Variants in SLC8A1 observed in about 807,000 individuals in gnomAD.
SLC8A1 encodes solute carrier family 8 member A1.
In SLC8A1, 18 loss-of-function variants were observed where a neutral mutation model predicts 68.3. The ratio of observed to expected loss-of-function variants is 0.26; its 90% CI spans 0.18 to 0.39. SLC8A1 has a LOEUF of 0.39. SLC8A1 is among the 10% of genes least tolerant of loss of function. The pLI is 1.00. For synonymous variants in SLC8A1, 475 were observed against 415.5 expected, an observed-to-expected ratio of 1.14 and a Z score of -1.74; for missense variants, 985 against 1,156.7, an observed-to-expected ratio of 0.85 and a Z score of 2.15.
At chr2:40,441,066 G>A (rs1285844668) in intron 1 of SLC8A1, among the ~76,000 whole-genome samples, 1 of 152,136 alleles carries the variant, frequency 6.6e-6, no homozygotes, top group Admixed American at 6.6e-5. Context: ...AAGCTGACAA[G>A]CAACTTCAGC....
intron 1 of SLC8A1, among the ~76,000 whole-genome samples, chr2:40,496,030 G>A (rs1215272048): frequency 7.2e-6 from 1 of 139,742 alleles, no homozygotes; most frequent in Non-Finnish European, 1.5e-5. Flanking sequence ...GGCTCCATTT[G>A]AAGTGTTCTT....
chr2:40,215,594 G>A (rs374368078), intron 2 of SLC8A1, among the ~76,000 whole-genome samples: 2 of 133,984 alleles, frequency 1.5e-5, no homozygotes, highest in East Asian at 4.4e-4. Context: ...CCGAGATTGT[G>A]CCACTGCAGT....
At chr2:40,309,867 T>C (rs2073367645) in intron 2 of SLC8A1, among the ~76,000 whole-genome samples, 1 of 152,162 alleles carries the variant, frequency 6.6e-6, no homozygotes, top group Non-Finnish European at 1.5e-5. Context: ...AAGTGTATAA[T>C]TCAGTGGTTT....
intron 1 of SLC8A1, among the ~76,000 whole-genome samples, chr2:40,465,162 G>A (rs949459177): frequency 1.2e-4 from 18 of 152,110 alleles, no homozygotes; most frequent in African/African-American, 4.1e-4. Flanking sequence ...ATGATAATAC[G>A]AAAGTTGTTA....
At chr2:40,129,662 A>G (rs940402355) in intron 7 of SLC8A1, among the ~76,000 whole-genome samples, 6 of 152,268 alleles carry the variant, frequency 3.9e-5, no homozygotes, top group African/African-American at 1.4e-4. Flanking sequence ...TCCCTTTGCA[A>G]TACACCCTGA....
At chr2:40,424,744 T>C (rs1374216360) in intron 2 of SLC8A1, among the ~76,000 whole-genome samples, 1 of 151,868 alleles carries the variant, frequency 6.6e-6, no homozygotes. Context: ...ATTTTTCAAC[T>C]CTGTACTTTA....
intron 2 of SLC8A1, among the ~76,000 whole-genome samples, chr2:40,359,300 A>C (rs1673786961): frequency 6.6e-6 from 1 of 152,218 alleles, no homozygotes; most frequent in African/African-American, 2.4e-5. Flanking sequence ...ATACATTATT[A>C]AAATTAATTT....
intron 2 of SLC8A1, among the ~76,000 whole-genome samples, chr2:40,327,715 T>A (rs35892964): frequency 6.6e-6 from 1 of 151,816 alleles, no homozygotes; most frequent in South Asian, 2.1e-4. Context: ...TGGGTACACA[T>A]GGACATAAAG....
intron 1 of SLC8A1, among the ~76,000 whole-genome samples, chr2:40,466,884 T>C (rs954573149): frequency 4.6e-5 from 7 of 151,422 alleles, no homozygotes; most frequent in African/African-American, 1.7e-4. Flanking sequence ...TGACATCAAC[T>C]CATTAGAAAT....
chr2:40,271,625 T>G (rs13006309), intron 2 of SLC8A1, among the ~76,000 whole-genome samples: 75,228 of 151,996 alleles, frequency 0.49, 20,378 homozygotes, highest in East Asian at 0.8. Context: ...AAAGTTTCTT[T>G]AGGGCAAGGA....
At chr2:40,430,193 C>A (rs138232364) in exon 2 of SLC8A1, 1 of 1,613,594 alleles carries the variant, frequency 6.2e-7, no homozygotes, top group Non-Finnish European at 8.5e-7. Context: ...ACATGGTCCA[C>A]ATGGGAAAAT....
At chr2:40,299,841 C>T (rs2071104009) in intron 2 of SLC8A1, among the ~76,000 whole-genome samples, 1 of 152,196 alleles carries the variant, frequency 6.6e-6, no homozygotes, top group South Asian at 2.1e-4. Flanking sequence ...GACCTCTCTC[C>T]CTACTAATCG....
chr2:40,204,791 A>G (rs775919381), intron 2 of SLC8A1, among the ~76,000 whole-genome samples: 31 of 152,022 alleles, frequency 2.0e-4, no homozygotes, highest in Non-Finnish European at 4.1e-4. Flanking sequence ...ATTAATATAA[A>G]TTTTAAGATT....
intron 2 of SLC8A1, among the ~76,000 whole-genome samples, chr2:40,377,017 G>A (rs1283911459): frequency 9.2e-5 from 14 of 152,006 alleles, no homozygotes; most frequent in African/African-American, 3.4e-4. Flanking sequence ...AATAGAATAT[G>A]GCAAAGGTGA....
At chr2:40,152,493 C>CT (rs1240695354) in intron 6 of SLC8A1, among the ~76,000 whole-genome samples, 1 of 152,088 alleles carries the variant, frequency 6.6e-6, no homozygotes, top group Non-Finnish European at 1.5e-5. Context: ...CAGCCTCTGC[C>CT]TTCCAGGTTC....
chr2:40,314,775 C>T (rs6748881), intron 2 of SLC8A1, among the ~76,000 whole-genome samples: 74,188 of 151,738 alleles, frequency 0.49, 20,269 homozygotes, highest in African/African-American at 0.72. Flanking sequence ...GTAAATGGTA[C>T]TGTTTTTCTA....
chr2:40,428,972 T>G, exon 2 of SLC8A1: 1 of 1,613,856 alleles, frequency 6.2e-7, no homozygotes, highest in Non-Finnish European at 8.5e-7. Context: ...ACAGTGTTAG[T>G]CAAATCACCA....
intron 2 of SLC8A1, among the ~76,000 whole-genome samples, chr2:40,235,276 A>T (rs573919526): frequency 1.3e-5 from 2 of 152,038 alleles, no homozygotes; most frequent in African/African-American, 2.4e-5. Flanking sequence ...ACAATTTCAG[A>T]TCCTGTTGTT....
intron 2 of SLC8A1, among the ~76,000 whole-genome samples, chr2:40,286,341 C>G (rs1195770485): frequency 6.6e-6 from 1 of 152,140 alleles, no homozygotes; most frequent in African/African-American, 2.4e-5. Context: ...CAAATCAGAC[C>G]AGGATATGAA....
Sources: gnomAD v4.1 joint callset for allele counts (sites outside exome capture counted in the v4.1 genomes callset) on GRCh38, gnomAD v4.1.1 for gene constraint, MANE v1.5 for transcripts, NCBI Gene and HGNC (gene_info 2026-07-23, HGNC 2026-07-21) for gene names.